The following ALMS1 variants were observed in gnomAD, a reference collection of about 807,000 sequenced individuals.
ALMS1 encodes ALMS1 centrosome and basal body associated protein, also known as centrosome-associated protein ALMS1.
Under a neutral mutation model 352.2 loss-of-function variants are expected in ALMS1, and 271 were observed. That is an observed-to-expected ratio of 0.77 (90% CI 0.70 to 0.85). ALMS1 has a LOEUF of 0.85. Among genes scored for constraint, ALMS1 ranks in the 40% least tolerant of loss-of-function variants. The probability of loss-of-function intolerance (pLI) is 0.00; values close to 1 mark genes in which losing one functional copy is unlikely to be tolerated. For missense variants in ALMS1, 5,445 were observed against 4,870.7 expected, an observed-to-expected ratio of 1.12 and a Z score of -3.51; for synonymous variants, 1,865 against 1,761.2, an observed-to-expected ratio of 1.06 and a Z score of -1.48.
chr2:73,506,264 T>G (rs879070195), intron 10 of ALMS1, among the ~76,000 whole-genome samples: 4 of 152,180 alleles, frequency 2.6e-5, no homozygotes, highest in Admixed American at 6.5e-5. Context: ...TTGTTGTGGC[T>G]ATACGGGCTC....
intron 7 of ALMS1, among the ~76,000 whole-genome samples, chr2:73,447,514 G>A (rs958044139): frequency 6.6e-6 from 1 of 152,090 alleles, no homozygotes; most frequent in African/African-American, 2.4e-5. Flanking sequence ...GGGGCAGGAG[G>A]AACCCGTGAA....
In ALMS1 at chr2:73,432,219, C is replaced by T. The variant is rs1671513692; in HGVS notation, c.1360C>T (p.His454Tyr). The T allele has an allele frequency of 1.2e-6, 2 of 1,613,194 alleles. No individual in the cohort carries two copies. Among genetic ancestry groups the T allele is most frequent in the East Asian group, 4.5e-5 (2 of 44,802 alleles). Residue 454 changes from histidine to tyrosine, a missense_variant, in exon 7 of 23, where the codon CAC becomes TAC. Coordinates refer to ENST00000613296, the MANE Select transcript of ALMS1 (RefSeq NM_001378454.1). ...QRKPTRESEYHSSDLRMLRMS... is the reference protein window; with the variant it reads ...QRKPTRESEYYSSDLRMLRMS... The stretch of plus-strand genomic sequence containing the variant: ...TAAGCCAACAAGAGAGTCGGAATAT[C>T]ACTCTTCAGATCTCAGAATGTTGAG...
chr2:73,411,634 T>C (rs531694703), intron 2 of ALMS1, among the ~76,000 whole-genome samples: 39 of 152,344 alleles, frequency 2.6e-4, no homozygotes, highest in Admixed American at 9.8e-4. Context: ...TGGAATATTA[T>C]GCCGCTTTCT....
chr2:73,492,064 C>A (rs1673002192), intron 10 of ALMS1, among the ~76,000 whole-genome samples: 1 of 152,092 alleles, frequency 6.6e-6, no homozygotes, highest in South Asian at 2.1e-4. Flanking sequence ...GATATGATGC[C>A]CCACCTCATA....
At chr2:73,463,307 C>T (rs1412864047) in intron 9 of ALMS1, among the ~76,000 whole-genome samples, 1 of 152,176 alleles carries the variant, frequency 6.6e-6, no homozygotes, top group East Asian at 1.9e-4. Flanking sequence ...TCACTCAAAA[C>T]CGCTCAACTA....
Position 73,599,650 on chromosome 2 carries a change from T to A in ALMS1, c.11668+129T>A, listed in dbSNP as rs1026786749. 2.6e-6 allele frequency: 3 copies of A among 1,160,544 alleles called. No homozygotes were observed. The African/African-American group carries it at 4.6e-5, about 18-fold the overall frequency. 71.9% of individuals were successfully genotyped at this position (1,160,544 alleles called of 1,614,324 possible). ...TATATCCAACTGCCAATTTTCATCTTGTCAGATTGGCATAAATTCAAGTTT... is the reference window on the plus strand; with the variant it reads ...TATATCCAACTGCCAATTTTCATCTAGTCAGATTGGCATAAATTCAAGTTT... On this transcript the variant is annotated intron_variant, in intron 17 of 22. Transcript: ENST00000613296.
intron 16 of ALMS1, among the ~76,000 whole-genome samples, chr2:73,580,157 C>T (rs746915841): frequency 4.6e-5 from 7 of 152,210 alleles, no homozygotes; most frequent in Middle Eastern, 3.4e-3. Flanking sequence ...TAGCTCACTG[C>T]GGCGTCGAAC....
At position 73,490,143 on chromosome 2, in the gene ALMS1, T is replaced by C; in HGVS notation, c.8184T>C (p.Asn2728=). 1 of 1,614,116 alleles carries C rather than the reference T, an allele frequency of 6.2e-7. No individual in the cohort carries two copies. Among genetic ancestry groups the C allele is most frequent in the Non-Finnish European group, 8.5e-7 (1 of 1,179,984 alleles). The change falls in exon 10 of 23, where the codon AAT becomes AAC. Residue 2728 remains asparagine (N), a synonymous_variant. Transcript: ENST00000613296. ...ACCGACATTCTAAATGCATTTCCAA[T>C]TCCTCTGTTGTTAAGGTTGGTGTTA... ...SSHRHSKCIS[N]SSVVKVGVTE... is the part of the protein sequence containing the mutation.
In ALMS1 at chr2:73,557,285, C is replaced by G. The variant is rs766772731; in HGVS notation, c.10144C>G (p.His3382Asp). ...NLSDKKQQEI[H>D]STRAVTEAAQ... The stretch of plus-strand genomic sequence containing the variant: ...CTCAGACAAAAAACAGCAAGAGATT[C>G]ACAGTACAAGGGCAGTGACTGAGGC... Residue 3382 changes from histidine (H) to aspartate (D), a missense_variant, in exon 14 of 23, where the codon CAC becomes GAC. His to Asp is a moderately conservative substitution (Grantham distance 81, BLOSUM62 -1). Transcript: ENST00000613296. 1 of 1,614,144 alleles carries G rather than the reference C, an allele frequency of 6.2e-7. No homozygotes were observed. The highest frequency in any genetic ancestry group is 8.5e-7 in the Non-Finnish European group (1 of 1,180,006).
At chr2:73,460,148 T>C (rs1190364866) in intron 9 of ALMS1, among the ~76,000 whole-genome samples, 1 of 152,152 alleles carries the variant, frequency 6.6e-6, no homozygotes, top group African/African-American at 2.4e-5. Flanking sequence ...TGTATGTTTC[T>C]CCCTCAGCCC....
At chr2:73,598,549 G>C (rs1159614034) in intron 16 of ALMS1, among the ~76,000 whole-genome samples, 1 of 152,098 alleles carries the variant, frequency 6.6e-6, no homozygotes. Context: ...GGTTTATCTA[G>C]TTCAAGGGAT....
At chr2:73,539,147 C>T (rs1056028400) in intron 12 of ALMS1, among the ~76,000 whole-genome samples, 3 of 152,208 alleles carry the variant, frequency 2.0e-5, no homozygotes, top group African/African-American at 7.2e-5. Context: ...GAGGGGCAGA[C>T]TGACACTTCA....
In ALMS1 at chr2:73,399,844, G is replaced by T. The variant is rs114086966; in HGVS notation, c.325-8778G>T. ...CTATTCCTATTTTAATGAGAATATCGTGAAGAGGTTGTCAAATGTTTTTTC... is the reference window on the plus strand; with the variant it reads ...CTATTCCTATTTTAATGAGAATATCTTGAAGAGGTTGTCAAATGTTTTTTC... On this transcript the variant is annotated intron_variant, in intron 1 of 22. Coordinates refer to ENST00000613296, the MANE Select transcript of ALMS1 (RefSeq NM_001378454.1). Among the ~76,000 whole-genome samples the T allele has an allele frequency of 4.0e-3, 605 of 151,732 alleles. 2 individuals carry two copies. Among genetic ancestry groups the T allele is most frequent in the Admixed American group, 6.4e-3 (97 of 15,226 alleles).
intron 1 of ALMS1, among the ~76,000 whole-genome samples, chr2:73,394,114 C>G (rs563826892): frequency 6.6e-6 from 1 of 152,068 alleles, no homozygotes; most frequent in African/African-American, 2.4e-5. Context: ...AGCCACCATG[C>G]CTGACTAGGA....
In ALMS1 at chr2:73,414,165, T is replaced by G. The variant is rs188819618; in HGVS notation, c.451-4958T>G. Among the ~76,000 whole-genome samples, 6 of 152,238 alleles carry G rather than the reference T, an allele frequency of 3.9e-5. No individual in the cohort carries two copies. In the East Asian group the frequency reaches 1.2e-3, roughly 29 times the overall value. On this transcript the variant is annotated intron_variant, in intron 2 of 22. Transcript: ENST00000613296. The stretch of plus-strand genomic sequence containing the variant: ...GTTTTCTAATCCATAAACATGACAG[T>G]TCTCTTAGTTTATTATTTCTCTTTA...
chr2:73,491,137 G>A lies in ALMS1; in HGVS notation c.9178G>A (p.Asp3060Asn). ...TLCPKTSSKLDSGTLDERFHS... is the reference protein window; with the variant it reads ...TLCPKTSSKLNSGTLDERFHS... ...TTGTCCCAAGACTTCTTCCAAGTTG[G>A]ATAGTGGAACTTTAGATGAAAGATT... is the stretch of plus-strand genomic sequence containing the variant. The change falls in exon 10 of 23, where the codon GAT (aspartate) becomes AAT (asparagine). Residue 3060 changes from aspartate to asparagine, a missense_variant. Coordinates refer to ENST00000613296, the MANE Select transcript of ALMS1 (RefSeq NM_001378454.1). 1.2e-6 allele frequency: 2 copies of A among 1,614,154 alleles called. No individual in the cohort carries two copies. The highest frequency in any genetic ancestry group is 1.7e-6 in the Non-Finnish European group (2 of 1,180,028).
At chr2:73,542,119 A>G (rs182547013) in intron 12 of ALMS1, among the ~76,000 whole-genome samples, 40 of 152,340 alleles carry the variant, frequency 2.6e-4, no homozygotes, top group African/African-American at 8.4e-4. Context: ...AAAATCCTCA[A>G]TAAAATACTG....
At chr2:73,536,512 A>G (rs1674031664) in intron 12 of ALMS1, among the ~76,000 whole-genome samples, 1 of 152,052 alleles carries the variant, frequency 6.6e-6, no homozygotes, top group South Asian at 2.1e-4. Context: ...CTATTCTGAG[A>G]GTGAGGAAGT....
intron 7 of ALMS1, among the ~76,000 whole-genome samples, chr2:73,435,197 A>G (rs1054796413): frequency 1.3e-5 from 2 of 152,106 alleles, no homozygotes; most frequent in African/African-American, 4.8e-5. Context: ...TTAAAATTCT[A>G]TCTGTTTTTG....
Sources: gnomAD v4.1 joint callset for allele counts (sites outside exome capture counted in the v4.1 genomes callset) on GRCh38, gnomAD v4.1.1 for gene constraint, MANE v1.5 for transcripts, NCBI Gene and HGNC (gene_info 2026-07-23, HGNC 2026-07-21) for gene names.